MFSD6: variants seen among roughly 807,000 people sequenced by gnomAD.
The protein encoded by MFSD6 is major facilitator superfamily domain containing 6.
MFSD6 carries 26 observed loss-of-function variants against 56.3 expected under a neutral mutation model. The ratio of observed to expected loss-of-function variants is 0.46; its 90% CI spans 0.34 to 0.64. The LOEUF (loss-of-function observed/expected upper bound fraction) is 0.64, where lower values mean the gene tolerates loss of function less well. Among genes scored for constraint, MFSD6 ranks in the 30% least tolerant of loss-of-function variants. MFSD6 has a pLI of 0.01. For missense variants in MFSD6, 750 were observed against 986.2 expected (o/e 0.76, Z 3.21); for synonymous variants, 331 against 366.9 (o/e 0.90, Z 1.12).
rs762112186 is a variant in MFSD6 at position 190,436,954 on chromosome 2, G to A, written c.925G>A (p.Val309Ile). 18 of 1,614,050 alleles carry A rather than the reference G, an allele frequency of 1.1e-5. No homozygotes were observed. The highest frequency in any genetic ancestry group is 2.2e-5 in the East Asian group (1 of 44,902). Residue 309 changes from valine to isoleucine, a missense_variant, in exon 3 of 8, where the codon GTA becomes ATA. This residue lies in a region of MFSD6 where 376 missense variants were observed against 437.9 expected (regional missense o/e 0.86). Coordinates refer to ENST00000392328, the MANE Select transcript of MFSD6 (RefSeq NM_017694.4). This position sits in a 1 kb window ranked among gnomAD's most constrained non-coding sequence, Gnocchi z 5.3. ...EFFSASSVTI[V>I]DTVTLQYLGK... ...TTTCAGTGCCTCTTCTGTCACAATCGTAGACACGGTCACACTCCAGTATCT... is the reference window on the plus strand; with the variant it reads ...TTTCAGTGCCTCTTCTGTCACAATCATAGACACGGTCACACTCCAGTATCT...
chr2:190,489,722 C>T lies in MFSD6; in HGVS notation c.1793-46C>T, dbSNP rs1461403239. Reference sequence around the variant, plus strand: ...ACTGATGGTTTTAGATGAGCGCTATCTGCATTTCTTGGAATTACTCTATAG... The same window carrying T: ...ACTGATGGTTTTAGATGAGCGCTATTTGCATTTCTTGGAATTACTCTATAG... On this transcript the variant is annotated intron_variant, in intron 5 of 7. Transcript: ENST00000392328. This position sits in a 1 kb window ranked among gnomAD's most constrained non-coding sequence, Gnocchi z 6.6. The T allele has an allele frequency of 1.3e-6, 2 of 1,547,376 alleles. No individual in the cohort carries two copies. Among genetic ancestry groups the T allele is most frequent in the East Asian group, 2.3e-5 (1 of 44,418 alleles).
At chr2:190,420,325 A>G (rs1431624742) in intron 2 of MFSD6, among the ~76,000 whole-genome samples, 2 of 151,972 alleles carry the variant, frequency 1.3e-5, no homozygotes, top group African/African-American at 4.8e-5. Flanking sequence ...CTTCCTGGCT[A>G]CTAGATAGCC....
chr2:190,499,727 T>C lies in MFSD6; in HGVS notation c.2173-288T>C. The stretch of plus-strand genomic sequence containing the variant: ...GGGGGGCTCAGTAAATATTTGCTGA[T>C]GTAAACTGTTTACCAAGTACTAACA... On this transcript the variant is annotated intron_variant, in intron 7 of 7. Transcript: ENST00000392328. The surrounding 1 kb of genome is among the most constrained non-coding windows in gnomAD (Gnocchi z 6.0). 2 of 1,216,400 alleles carry C rather than the reference T, an allele frequency of 1.6e-6. No homozygotes were observed. Among genetic ancestry groups the C allele is most frequent in the South Asian group, 1.4e-5 (1 of 73,598 alleles). The allele number at this position is 1,216,400 out of a possible 1,614,324, so 75.4% of individuals were successfully genotyped here.
intron 2 of MFSD6, among the ~76,000 whole-genome samples, chr2:190,432,697 G>T (rs557178127): frequency 6.6e-6 from 1 of 152,074 alleles, no homozygotes; most frequent in Admixed American, 6.5e-5. Context: ...AATTACAGGC[G>T]TGAGCCACCG....
At position 190,500,042 on chromosome 2, in the gene MFSD6, C is replaced by T; in HGVS notation, c.2200C>T (p.Pro734Ser). The T allele has an allele frequency of 4.3e-6, 7 of 1,614,166 alleles. No individual in the cohort carries two copies. Among genetic ancestry groups the T allele is most frequent in the Non-Finnish European group, 5.9e-6 (7 of 1,180,028 alleles). Residue 734 changes from proline (P) to serine (S), a missense_variant, in exon 8 of 8, where the codon CCT becomes TCT. Pro to Ser is a moderately conservative substitution (Grantham distance 74). Around this residue, in one of 5 missense-constraint regions of MFSD6, gnomAD observed 172 missense variants for 203.9 expected, o/e 0.84. Coordinates refer to ENST00000392328, the MANE Select transcript of MFSD6 (RefSeq NM_017694.4). This position sits in a 1 kb window ranked among gnomAD's most constrained non-coding sequence, Gnocchi z 5.3. ...QGTNENRENSPAGRAQPVPCE... is the reference protein window; with the variant it reads ...QGTNENRENSSAGRAQPVPCE... ...GACCAATGAGAATAGGGAAAATTCT[C>T]CTGCTGGTAGAGCCCAGCCTGTCCC...
rs1334956696 is a variant in MFSD6 at position 190,456,971 on chromosome 2, G to A, written c.1533-12787G>A. 6.6e-6 allele frequency among the ~76,000 whole-genome samples: 1 copy of A among 152,116 alleles called. No homozygotes were observed. Among genetic ancestry groups the A allele is most frequent in the Non-Finnish European group, 1.5e-5 (1 of 68,032 alleles). On this transcript the variant is annotated intron_variant, in intron 3 of 7. Transcript: ENST00000392328. The surrounding 1 kb of genome is among the most constrained non-coding windows in gnomAD (Gnocchi z 5.4). ...CCAATGACTCGTCAAAGTTTAAAATGTCAACCGTCTTCTGATGCCAACATA... is the reference window on the plus strand; with the variant it reads ...CCAATGACTCGTCAAAGTTTAAAATATCAACCGTCTTCTGATGCCAACATA...
intron 4 of MFSD6, among the ~76,000 whole-genome samples, chr2:190,482,871 T>TG (rs1688763046): frequency 1.3e-4 from 2 of 15,592 alleles, no homozygotes; most frequent in Non-Finnish European, 1.6e-4. Context: ...CTATCATCTT[T>TG]TTTTTTTTTT....
In MFSD6 at chr2:190,499,285, G is replaced by A. The variant is rs1190489838; in HGVS notation, c.2173-730G>A. ...CTTTTTCTTTCATTGTAGAATCACA[G>A]AAATGAACATTTTTATTTGGGTGTT... is the stretch of plus-strand genomic sequence containing the variant. On this transcript the variant is annotated intron_variant, in intron 7 of 7. Coordinates refer to ENST00000392328, the MANE Select transcript of MFSD6 (RefSeq NM_017694.4). This position sits in a 1 kb window ranked among gnomAD's most constrained non-coding sequence, Gnocchi z 6.0. 6.6e-6 allele frequency among the ~76,000 whole-genome samples: 1 copy of A among 152,136 alleles called. No individual in the cohort carries two copies. The highest frequency in any genetic ancestry group is 1.5e-5 in the Non-Finnish European group (1 of 68,034).
Position 190,437,061 on chromosome 2 carries a change from C to T in MFSD6, c.1032C>T (p.Ile344=), listed in dbSNP as rs141370430. Residue 344 remains isoleucine (I), a synonymous_variant, in exon 3 of 8, where the codon ATC becomes ATT. Transcript: ENST00000392328. This position sits in a 1 kb window ranked among gnomAD's most constrained non-coding sequence, Gnocchi z 5.9. ...GWGLAMLSVG[I]GIDYTHIEVL... is the part of the protein sequence containing the mutation. ...GCCTGGCGATGCTGTCTGTGGGCAT[C>T]GGGATCGACTACACCCACATCGAAG... 58 of 1,614,102 alleles carry T rather than the reference C, an allele frequency of 3.6e-5. No individual in the cohort carries two copies. Among genetic ancestry groups the T allele is most frequent in the African/African-American group, 3.2e-4 (24 of 74,930 alleles).
chr2:190,475,693 C>T (rs893067213), intron 4 of MFSD6, among the ~76,000 whole-genome samples: 3 of 152,138 alleles, frequency 2.0e-5, no homozygotes, highest in African/African-American at 7.2e-5. Context: ...ACTTTCTTCA[C>T]AGAATTGGAA....
chr2:190,448,150 A>G (rs1258706808), intron 3 of MFSD6, among the ~76,000 whole-genome samples: 1 of 152,158 alleles, frequency 6.6e-6, no homozygotes, highest in Non-Finnish European at 1.5e-5. Flanking sequence ...CCACCCTCTA[A>G]CAGGCTGAGG....
Position 190,419,186 on chromosome 2 carries a change from C to T in MFSD6, c.-54+3773C>T, listed in dbSNP as rs1450842904. On this transcript the variant is annotated intron_variant, in intron 2 of 7. Coordinates refer to ENST00000392328, the MANE Select transcript of MFSD6 (RefSeq NM_017694.4). The stretch of plus-strand genomic sequence containing the variant: ...TGGGAATTGACCTCGCACACTGTGT[C>T]TCTGGAAAAAGCTCTATCCTGGAAG... Among the ~76,000 whole-genome samples, 5 of 152,100 alleles carry T rather than the reference C, an allele frequency of 3.3e-5. No homozygotes were observed. The East Asian group carries it at 9.6e-4, about 29-fold the overall frequency.
chr2:190,484,925 T>C (rs1387168368), intron 4 of MFSD6, among the ~76,000 whole-genome samples: 1 of 152,184 alleles, frequency 6.6e-6, no homozygotes, highest in African/African-American at 2.4e-5. Flanking sequence ...AATTTTGTTT[T>C]TGTGCTTTAC....
intron 4 of MFSD6, among the ~76,000 whole-genome samples, chr2:190,472,078 A>C (rs549820836): frequency 6.6e-6 from 1 of 152,286 alleles, no homozygotes; most frequent in Admixed American, 6.5e-5. Flanking sequence ...TCCACACCAA[A>C]ACCCCATCTG....
At chr2:190,472,386 C>A (rs1687999321) in intron 4 of MFSD6, among the ~76,000 whole-genome samples, 1 of 152,084 alleles carries the variant, frequency 6.6e-6, no homozygotes, top group Non-Finnish European at 1.5e-5. Context: ...GCAGAGAAGT[C>A]CTTAAAGGAC....
At chr2:190,466,852 T>C (rs535976315) in intron 3 of MFSD6, among the ~76,000 whole-genome samples, 1 of 152,296 alleles carries the variant, frequency 6.6e-6, no homozygotes, top group African/African-American at 2.4e-5. Flanking sequence ...AGCTTGTTGA[T>C]GGCAATCTGA....
rs1488394614 is a variant in MFSD6, at chr2:190,502,263, CCCAAAGTG to C, written c.*2049_*2056del. 1 of 152,114 alleles carries C rather than the reference CCCAAAGTG, an allele frequency of 6.6e-6. No homozygotes were observed. The highest frequency in any genetic ancestry group is 2.4e-5 in the African/African-American group (1 of 41,412). The allele number at this position is 152,114 out of a possible 1,614,324, so 9.4% of individuals were successfully genotyped here. On this transcript the variant is annotated 3_prime_UTR_variant, in exon 8 of 8. Coordinates refer to ENST00000392328, the MANE Select transcript of MFSD6 (RefSeq NM_017694.4). The surrounding 1 kb of genome is among the most constrained non-coding windows in gnomAD (Gnocchi z 4.4). The stretch of plus-strand genomic sequence containing the variant: ...GACTTTGTGACTTTTTCTTCCTGTC[CCCAAAGTG>C]CCATATGCTACCTTAAAAAATATTA...
rs997669449 is a variant in MFSD6, at chr2:190,426,653, C to T, written c.-53-9324C>T. ...CCCATTCTCCCCACTTTTGGAGTCC[C>T]CAGTGTCTATTATTTCCAAATGATG... On this transcript the variant is annotated intron_variant, in intron 2 of 7. Transcript: ENST00000392328. The surrounding 1 kb of genome is among the most constrained non-coding windows in gnomAD (Gnocchi z 4.7). Among the ~76,000 whole-genome samples the T allele has an allele frequency of 3.3e-5, 5 of 152,094 alleles. No homozygotes were observed. The highest frequency in any genetic ancestry group is 1.2e-4 in the African/African-American group (5 of 41,404).
At chr2:190,484,979 T>C (rs1000493643) in intron 4 of MFSD6, among the ~76,000 whole-genome samples, 1 of 152,200 alleles carries the variant, frequency 6.6e-6, no homozygotes, top group African/African-American at 2.4e-5. Flanking sequence ...TTAAAGAATG[T>C]AATTCCCAAT....
Sources: allele counts gnomAD v4.1 joint callset (sites outside exome capture counted in the v4.1 genomes callset), GRCh38; gene constraint gnomAD v4.1.1; regional missense constraint gnomAD v4.1.1; non-coding constraint Gnocchi (gnomAD v3.1); transcripts MANE v1.5; gene names NCBI Gene and HGNC (gene_info 2026-07-23, HGNC 2026-07-21).